The following IQCJ variants were observed in gnomAD, a reference collection of about 807,000 sequenced individuals.
The protein encoded by IQCJ is IQ domain-containing protein J.
A neutral mutation model predicts 11.0 loss-of-function variants in IQCJ; 9 were observed. That is an observed-to-expected ratio of 0.82 (90% confidence interval 0.49 to 1.43). IQCJ has a LOEUF of 1.43. Among genes scored for constraint, IQCJ ranks in the 40% most tolerant of loss-of-function variants. The pLI is 0.00. For missense variants in IQCJ, 146 were observed against 133.2 expected (o/e 1.10, Z -0.47); for synonymous variants, 55 against 51.3 (o/e 1.07, Z -0.31).
intron 1 of IQCJ, among the ~76,000 whole-genome samples, chr3:159,219,706 C>T (rs568940743): frequency 2.0e-5 from 3 of 152,232 alleles, no homozygotes; most frequent in South Asian, 4.2e-4. Flanking sequence ...TATTGACTTG[C>T]GGGCCTGTCT....
Position 159,201,935 on chromosome 3 carries a change from G to C in IQCJ, c.10-43908G>C, listed in dbSNP as rs75420519. On this transcript the variant is annotated intron_variant, in intron 1 of 3. Coordinates refer to ENST00000397832, the MANE Select transcript of IQCJ (RefSeq NM_001042706.3). ...CCTCGTGGAGCTTATAGTTTGAAAG[G>C]CCTGTTTTCCAATGCACATAACGTG... Among the ~76,000 whole-genome samples the C allele has an allele frequency of 6.3e-3, 952 of 152,200 alleles. 9 individuals carry two copies. Among genetic ancestry groups the C allele is most frequent in the African/African-American group, 0.022 (900 of 41,524 alleles).
At chr3:159,236,587 CTGTGGA>C (rs1726605942) in intron 1 of IQCJ, among the ~76,000 whole-genome samples, 1 of 152,192 alleles carries the variant, frequency 6.6e-6, no homozygotes, top group Admixed American at 6.5e-5. Context: ...TCTCTTAAGG[CTGTGGA>C]TCAGAATGCC....
intron 1 of IQCJ, among the ~76,000 whole-genome samples, chr3:159,190,539 G>A (rs114096586): frequency 6.7e-4 from 102 of 152,320 alleles, no homozygotes; most frequent in Non-Finnish European, 1.2e-3. Flanking sequence ...TGGAAGTTTA[G>A]CAGTGCCTTG....
chr3:159,237,393 T>C (rs541974862), intron 1 of IQCJ, among the ~76,000 whole-genome samples: 3 of 152,278 alleles, frequency 2.0e-5, no homozygotes, highest in Non-Finnish European at 2.9e-5. Context: ...CCACTGTCTG[T>C]GACAGAAGAA....
At chr3:159,104,411 C>T (rs77550296) in intron 1 of IQCJ, among the ~76,000 whole-genome samples, 76 of 152,326 alleles carry the variant, frequency 5.0e-4, no homozygotes, top group Non-Finnish European at 9.3e-4. Context: ...ATGTGTGATT[C>T]TTTATAAAAT....
intron 1 of IQCJ, among the ~76,000 whole-genome samples, chr3:159,200,079 A>T (rs1218441357): frequency 7.0e-6 from 1 of 141,998 alleles, no homozygotes; most frequent in African/African-American, 2.6e-5. Flanking sequence ...GTGTGTGCAT[A>T]TATGTATGTA....
At chr3:159,228,200 TA>T (rs1280345986) in intron 1 of IQCJ, among the ~76,000 whole-genome samples, 5 of 152,228 alleles carry the variant, frequency 3.3e-5, no homozygotes, top group African/African-American at 9.6e-5. Flanking sequence ...ATTACATGTC[TA>T]AAAGATGTAA....
intron 1 of IQCJ, among the ~76,000 whole-genome samples, chr3:159,127,667 A>T (rs1277721398): frequency 2.6e-5 from 4 of 152,236 alleles, no homozygotes; most frequent in Non-Finnish European, 5.9e-5. Flanking sequence ...AGTCGTGTTG[A>T]CTGAGAAGAA....
chr3:159,081,257 T>C (rs1417305852), intron 1 of IQCJ, among the ~76,000 whole-genome samples: 2 of 152,072 alleles, frequency 1.3e-5, no homozygotes, highest in South Asian at 2.1e-4. Flanking sequence ...TCCGTTTTCT[T>C]TTGTAAGAGC....
At chr3:159,094,739 A>G (rs1717608977) in intron 1 of IQCJ, among the ~76,000 whole-genome samples, 1 of 151,830 alleles carries the variant, frequency 6.6e-6, no homozygotes, top group East Asian at 1.9e-4. Context: ...ATCAGGTCTT[A>G]ACTTCATGGA....
At chr3:159,126,114 C>A (rs1719666189) in intron 1 of IQCJ, among the ~76,000 whole-genome samples, 1 of 152,206 alleles carries the variant, frequency 6.6e-6, no homozygotes, top group Non-Finnish European at 1.5e-5. Context: ...ATTTATGAAA[C>A]TTTCTCTGAT....
At chr3:159,083,159 CAG>C (rs1716446935) in intron 1 of IQCJ, among the ~76,000 whole-genome samples, 4 of 151,968 alleles carry the variant, frequency 2.6e-5, no homozygotes, top group African/African-American at 9.7e-5. Context: ...ACCTTGTCAA[CAG>C]AAAGAAAAAG....
intron 1 of IQCJ, among the ~76,000 whole-genome samples, chr3:159,191,067 T>C (rs891269310): frequency 6.6e-5 from 10 of 152,220 alleles, no homozygotes; most frequent in Non-Finnish European, 1.3e-4. Context: ...GCCCTTGACA[T>C]GTAGTCAACA....
At chr3:159,154,491 C>A (rs1425459306) in intron 1 of IQCJ, among the ~76,000 whole-genome samples, 1 of 151,782 alleles carries the variant, frequency 6.6e-6, no homozygotes, top group Non-Finnish European at 1.5e-5. Context: ...TCAGCTCTGC[C>A]TTTTTTTTGG....
In IQCJ at chr3:159,193,052, C is replaced by T. The variant is rs573704331; in HGVS notation, c.10-52791C>T. ...GGCTTATCTTGTGAGGCAACCCAGA[C>T]GGTCATCTCTAAGGGGTCTTAAACA... is the stretch of plus-strand genomic sequence containing the variant. On this transcript the variant is annotated intron_variant, in intron 1 of 3. Transcript: ENST00000397832. Among the ~76,000 whole-genome samples, 13 of 152,252 alleles carry T rather than the reference C, an allele frequency of 8.5e-5. 1 individual carries two copies. Among genetic ancestry groups the T allele is most frequent in the South Asian group, 4.1e-4 (2 of 4,820 alleles).
chr3:159,250,942 T>C (rs984009200), intron 2 of IQCJ, among the ~76,000 whole-genome samples: 28 of 152,218 alleles, frequency 1.8e-4, no homozygotes, highest in African/African-American at 6.8e-4. Context: ...AGGGACCATG[T>C]CTAGTGTTTT....
chr3:159,129,345 G>A (rs1248419571), intron 1 of IQCJ, among the ~76,000 whole-genome samples: 2 of 152,068 alleles, frequency 1.3e-5, no homozygotes, highest in African/African-American at 4.8e-5. Flanking sequence ...AGAAGCTCAG[G>A]GCTAGTCCTA....
At chr3:159,107,946 G>A (rs1718368793) in intron 1 of IQCJ, among the ~76,000 whole-genome samples, 1 of 142,084 alleles carries the variant, frequency 7.0e-6, no homozygotes, top group African/African-American at 2.6e-5. Flanking sequence ...GCTCCTGCTT[G>A]CAGGCTTCCT....
chr3:159,145,206 T>C (rs1016837604), intron 1 of IQCJ, among the ~76,000 whole-genome samples: 2 of 152,176 alleles, frequency 1.3e-5, no homozygotes, highest in Non-Finnish European at 2.9e-5. Flanking sequence ...ATTGTTGCTA[T>C]GGTGATTTCC....
Sources: allele counts gnomAD v4.1 joint callset (sites outside exome capture counted in the v4.1 genomes callset), GRCh38; gene constraint gnomAD v4.1.1; transcripts MANE v1.5; gene names NCBI Gene and HGNC (gene_info 2026-07-23, HGNC 2026-07-21).